The following SLC8A3 variants were observed in gnomAD, a reference collection of about 807,000 sequenced individuals.
SLC8A3 encodes the protein solute carrier family 8 member A3, also known as sodium/calcium exchanger 3.
A neutral mutation model predicts 65.4 loss-of-function variants in SLC8A3; 37 were observed. That is an observed-to-expected ratio of 0.57 (90% CI 0.44 to 0.74). The LOEUF (loss-of-function observed/expected upper bound fraction) is 0.74. SLC8A3 is among the 30% of genes least tolerant of loss of function. The pLI, the probability that SLC8A3 is intolerant of heterozygous loss-of-function variation, is 0.00. For missense variants in SLC8A3, 1,112 were observed against 1,172.1 expected, an observed-to-expected ratio of 0.95 and a Z score of 0.75; for synonymous variants, 461 against 444.5, an observed-to-expected ratio of 1.04 and a Z score of -0.47.
At chr14:70,168,709 G>A (rs1032532401) in intron 1 of SLC8A3, among the ~76,000 whole-genome samples, 1 of 152,148 alleles carries the variant, frequency 6.6e-6, no homozygotes, top group African/African-American at 2.4e-5. Flanking sequence ...GAAATAGCTG[G>A]GAATACTGGG....
intron 2 of SLC8A3, among the ~76,000 whole-genome samples, chr14:70,165,420 G>T (rs1897112235): frequency 6.6e-6 from 1 of 152,132 alleles, no homozygotes; most frequent in African/African-American, 2.4e-5. Flanking sequence ...TCTAGAGGTT[G>T]TATGGCTTCA....
At chr14:70,163,638 G>A (rs4899331) in intron 2 of SLC8A3, among the ~76,000 whole-genome samples, 40,205 of 152,136 alleles carry the variant, frequency 0.26, 5,906 homozygotes, top group East Asian at 0.5. Context: ...CTAAATTGGC[G>A]TTGAAAGTTG....
chr14:70,088,489 T>C (rs1324534532), intron 2 of SLC8A3, among the ~76,000 whole-genome samples: 1 of 152,202 alleles, frequency 6.6e-6, no homozygotes, highest in Non-Finnish European at 1.5e-5. Flanking sequence ...CTGCTGCTTC[T>C]GACACCTGAG....
chr14:70,057,978 G>C (rs1888356109), intron 3 of SLC8A3, among the ~76,000 whole-genome samples: 1 of 152,186 alleles, frequency 6.6e-6, no homozygotes, highest in African/African-American at 2.4e-5. Context: ...ATGTTGCTCA[G>C]TGTTGCTCTC....
intron 2 of SLC8A3, among the ~76,000 whole-genome samples, chr14:70,088,250 C>T (rs914116514): frequency 6.6e-6 from 1 of 152,194 alleles, no homozygotes; most frequent in Non-Finnish European, 1.5e-5. Context: ...TTTGGTGTTG[C>T]TCTGAGAACT....
chr14:70,154,825 G>A (rs1303023286), intron 2 of SLC8A3, among the ~76,000 whole-genome samples: 1 of 151,644 alleles, frequency 6.6e-6, no homozygotes, highest in Admixed American at 6.6e-5. Context: ...TTATACATAT[G>A]TATGGATACA....
chr14:70,101,891 A>G (rs1334662744), intron 2 of SLC8A3, among the ~76,000 whole-genome samples: 2 of 152,214 alleles, frequency 1.3e-5, no homozygotes, highest in Non-Finnish European at 2.9e-5. Context: ...AGCTCCCCTG[A>G]GAAGGCAGAA....
At chr14:70,062,195 A>G (rs2984337) in intron 2 of SLC8A3, among the ~76,000 whole-genome samples, 5,486 of 152,016 alleles carry the variant, frequency 0.036, 274 homozygotes, top group South Asian at 0.16. Context: ...ATGTCTCTTC[A>G]GATCCTCTGA....
intron 2 of SLC8A3, among the ~76,000 whole-genome samples, chr14:70,158,045 A>G (rs1053239706): frequency 2.0e-5 from 3 of 152,230 alleles, no homozygotes; most frequent in Non-Finnish European, 4.4e-5. Flanking sequence ...AAGTGGAGAC[A>G]TGGCAAAAGG....
chr14:70,089,277 G>A (rs745564770), intron 2 of SLC8A3, among the ~76,000 whole-genome samples: 1 of 152,084 alleles, frequency 6.6e-6, no homozygotes, highest in African/African-American at 2.4e-5. Context: ...CCCACAGCTG[G>A]TGTTTGCCTT....
chr14:70,167,756 C>T lies in SLC8A3; in HGVS notation c.667G>A (p.Val223Ile). Reference protein sequence around the residue: ...AYIWLYMILAVFSPGVVQVWE... With the variant: ...AYIWLYMILAIFSPGVVQVWE... ...ACCTGGACCACACCAGGGGAGAAGA[C>T]TGCCAGAATCATATAGAGCCAGATG... is the stretch of plus-strand genomic sequence containing the variant. The change falls in exon 2 of 7, where the codon GTC (valine) becomes ATC (isoleucine). Residue 223 changes from valine to isoleucine, a missense_variant. Coordinates refer to ENST00000356921, the MANE Select transcript of SLC8A3 (RefSeq NM_182932.3). The T allele has an allele frequency of 1.2e-6, 2 of 1,614,204 alleles. No individual in the cohort carries two copies. The highest frequency in any genetic ancestry group is 1.7e-6 in the Non-Finnish European group (2 of 1,180,032).
chr14:70,179,408 C>A lies in SLC8A3; in HGVS notation c.-63+8971G>T, dbSNP rs114874244. Reference sequence around the variant, plus strand: ...CACCACAGTATTCCCAGTGCCTTGGCTAGTGCTGGCAGAGGGAGTACTCAG... The same window carrying A: ...CACCACAGTATTCCCAGTGCCTTGGATAGTGCTGGCAGAGGGAGTACTCAG... On this transcript the variant is annotated intron_variant, in intron 1 of 6. Transcript: ENST00000356921. Among the ~76,000 whole-genome samples the A allele has an allele frequency of 1.0e-2, 1,521 of 152,304 alleles. 25 individuals are homozygous for A. Among genetic ancestry groups the A allele is most frequent in the African/African-American group, 0.035 (1,435 of 41,562 alleles).
rs1251223465 is a variant in SLC8A3 at position 70,084,411 on chromosome 14, C to T, written c.1785-23472G>A. Among the ~76,000 whole-genome samples the T allele has an allele frequency of 3.3e-5, 5 of 152,132 alleles. 1 individual carries two copies. Among genetic ancestry groups the T allele is most frequent in the East Asian group, 1.9e-4 (1 of 5,196 alleles). ...GGCTTGAGGATAGAAATCCTGTGAG[C>T]GGGTGGTTATCTTATCTTTTCACCC... On this transcript the variant is annotated intron_variant, in intron 2 of 6. Coordinates refer to ENST00000356921, the MANE Select transcript of SLC8A3 (RefSeq NM_182932.3).
chr14:70,052,164 G>A (rs1166894308), intron 3 of SLC8A3, 50 bp from the exon 4 acceptor site: 3 of 1,551,620 alleles, frequency 1.9e-6, no homozygotes, highest in Non-Finnish European at 2.6e-6. Context: ...CCATTCCCTG[G>A]AAGGATACAG....
intron 2 of SLC8A3, among the ~76,000 whole-genome samples, chr14:70,077,068 T>C (rs922093945): frequency 2.0e-5 from 3 of 152,154 alleles, no homozygotes; most frequent in African/African-American, 7.2e-5. Flanking sequence ...TGGCATACAA[T>C]AAGCAGTCGT....
In SLC8A3 at chr14:70,186,841, C is replaced by G. The variant is rs572130123; in HGVS notation, c.-63+1538G>C. On this transcript the variant is annotated intron_variant, in intron 1 of 6. Transcript: ENST00000356921. ...ACGCCAGCAAAAAGAAGCCCCAGCC[C>G]GAAGCCAAGAGCCCATAAAGGGTGA... 1.2e-3 allele frequency among the ~76,000 whole-genome samples: 177 copies of G among 152,272 alleles called. 1 individual carries two copies. Among genetic ancestry groups the G allele is most frequent in the Non-Finnish European group, 2.1e-3 (142 of 68,024 alleles).
intron 2 of SLC8A3, among the ~76,000 whole-genome samples, chr14:70,148,038 T>C (rs181167879): frequency 8.6e-4 from 131 of 152,354 alleles, no homozygotes; most frequent in Non-Finnish European, 1.7e-3. Context: ...AAAAGTGATA[T>C]GCATTCAGTA....
In SLC8A3 at chr14:70,166,877, G is replaced by T; in HGVS notation, c.1546C>A (p.Pro516Thr). 2 of 1,614,052 alleles carry T rather than the reference G, an allele frequency of 1.2e-6. No homozygotes were observed. Among genetic ancestry groups the T allele is most frequent in the Non-Finnish European group, 8.5e-7 (1 of 1,179,948 alleles). Residue 516 changes from proline (P) to threonine (T), a missense_variant, in exon 2 of 7, where the codon CCT (proline) becomes ACT (threonine). Coordinates refer to ENST00000356921, the MANE Select transcript of SLC8A3 (RefSeq NM_182932.3). ...AAGATGGTAACTGTGGCCACACAAG[G>T]GGAGGCTAGGACAGCCCGAGGCAAG... The part of the protein sequence containing the change: ...LPLPRAVLAS[P>T]CVATVTILDD...
intron 2 of SLC8A3, among the ~76,000 whole-genome samples, chr14:70,116,321 CTGTGTGTGTGTG>C (rs55890014): frequency 5.4e-5 from 8 of 147,666 alleles, no homozygotes; most frequent in South Asian, 2.2e-4. Context: ...ATTGAGAACA[CTGTGTGTGTGTG>C]TGTGTGTGTG....
Sources: allele counts gnomAD v4.1 joint callset (sites outside exome capture counted in the v4.1 genomes callset), GRCh38; gene constraint gnomAD v4.1.1; transcripts MANE v1.5; gene names NCBI Gene and HGNC (gene_info 2026-07-23, HGNC 2026-07-21).